Variants in KIF14 observed in about 807,000 individuals in gnomAD.
KIF14 encodes the protein kinesin family member 14.
KIF14 carries 98 observed loss-of-function variants against 176.2 expected under a neutral mutation model. The observed-to-expected ratio is 0.56, with a 90% CI of 0.47 to 0.66. The LOEUF (loss-of-function observed/expected upper bound fraction) is 0.66. Ranked by LOEUF, KIF14 falls within the 30% of genes least tolerant of loss-of-function variation. KIF14 has a pLI of 0.00. For missense variants in KIF14, 1,751 were observed against 1,920.4 expected, an observed-to-expected ratio of 0.91 and a Z score of 1.65; for synonymous variants, 566 against 632.2, an observed-to-expected ratio of 0.90 and a Z score of 1.57.
chr1:200,591,453 G>A (rs753374005), intron 16 of KIF14, among the ~76,000 whole-genome samples: 6 of 152,260 alleles, frequency 3.9e-5, no homozygotes, highest in East Asian at 3.9e-4. Flanking sequence ...AGTGTCTCAC[G>A]TCTGCTCAAA....
intron 22 of KIF14, 144 bp from the exon 23 acceptor site, chr1:200,570,149 G>C (rs568154582): frequency 4.6e-4 from 217 of 468,580 alleles, no homozygotes; most frequent in African/African-American, 3.7e-3. Context: ...AAATTCATTT[G>C]GTTAATTGAG....
At position 200,617,794 on chromosome 1, in the gene KIF14, G is replaced by T. The variant is rs764597120; in HGVS notation, c.930C>A (p.Asn310Lys). 7 of 1,614,048 alleles carry T rather than the reference G, an allele frequency of 4.3e-6. No individual in the cohort carries two copies. The highest frequency in any genetic ancestry group is 1.7e-5 in the Admixed American group (1 of 60,028). Residue 310 changes from asparagine (N) to lysine (K), a missense_variant, in exon 2 of 30, where the codon AAC becomes AAA. Transcript: ENST00000367350. ...TTTTTGGTCTTTGTTTAACTTGAAG[G>T]TTAGACATTCTATTCTTCAGTATTG... ...APSILKNRMS[N>K]LQVKQRPKSS... is the part of the protein sequence containing the mutation.
At chr1:200,615,268 A>T in intron 3 of KIF14, 87 bp downstream of exon 3, 1 of 1,343,126 alleles carries the variant, frequency 7.4e-7, no homozygotes, top group Non-Finnish European at 1.0e-6. Context: ...TGATTTCAAA[A>T]CTATATTCTT....
In KIF14 at chr1:200,554,573, A is replaced by C; in HGVS notation, c.4462T>G (p.Phe1488Val). The C allele has an allele frequency of 6.5e-7, 1 of 1,547,288 alleles. No individual in the cohort carries two copies. Among genetic ancestry groups the C allele is most frequent in the Non-Finnish European group, 8.9e-7 (1 of 1,124,830 alleles). The change falls in exon 29 of 30, where the codon TTT (phenylalanine) becomes GTT (valine). Residue 1488 changes from phenylalanine to valine, a missense_variant. Physicochemically the swap from Phe to Val is conservative, Grantham distance 50. Coordinates refer to ENST00000367350, the MANE Select transcript of KIF14 (RefSeq NM_014875.3). Reference protein sequence around the residue: ...SFRRQVQEENFEYQDFKRMVN... With the variant: ...SFRRQVQEENVEYQDFKRMVN... ...ATCCTCTTGAAATCTTGGTATTCAAAGTTTTCTTCTTGTACTTGCCTTCTG... is the reference window on the plus strand; with the variant it reads ...ATCCTCTTGAAATCTTGGTATTCAACGTTTTCTTCTTGTACTTGCCTTCTG...
At chr1:200,619,584 C>T (rs1307101634) in intron 1 of KIF14, among the ~76,000 whole-genome samples, 1 of 152,162 alleles carries the variant, frequency 6.6e-6, no homozygotes, top group Admixed American at 6.5e-5. Flanking sequence ...ATATCTTGAC[C>T]TTGTGATCCG....
chr1:200,559,566 C>T, intron 26 of KIF14, 114 bp from the exon 27 acceptor site: 1 of 553,504 alleles, frequency 1.8e-6, no homozygotes, highest in Admixed American at 4.2e-5. Context: ...ATATTTTCTG[C>T]TTACTTTAGG....
chr1:200,608,702 A>G (rs1184706638), intron 5 of KIF14, 128 bp downstream of exon 5: 2 of 622,462 alleles, frequency 3.2e-6, no homozygotes, highest in Non-Finnish European at 5.7e-6. Flanking sequence ...ATTGGACTGT[A>G]GATCCAAGCA....
chr1:200,565,719 T>C (rs771614743), intron 23 of KIF14, 50 bp from the exon 24 acceptor site: 116 of 1,232,046 alleles, frequency 9.4e-5, no homozygotes, highest in Non-Finnish European at 1.1e-4. Context: ...GGAATAATAC[T>C]TTCTTTTTTA....
chr1:200,617,754 T>C lies in KIF14; in HGVS notation c.970A>G (p.Asn324Asp), dbSNP rs776413568. Reference protein sequence around the residue: ...KQRPKSSFLANKQERSAENTI... With the variant: ...KQRPKSSFLADKQERSAENTI... ...TTTTCTGCGGATCTTTCCTGTTTAT[T>C]TGCAAGAAAGGAACTTTTTGGTCTT... Residue 324 changes from asparagine to aspartate, a missense_variant, in exon 2 of 30, where the codon AAT becomes GAT. Coordinates refer to ENST00000367350, the MANE Select transcript of KIF14 (RefSeq NM_014875.3). 11 of 1,614,106 alleles carry C rather than the reference T, an allele frequency of 6.8e-6. No homozygotes were observed. The highest frequency in any genetic ancestry group is 5.0e-5 in the Admixed American group (3 of 60,010).
intron 25 of KIF14, among the ~76,000 whole-genome samples, chr1:200,561,229 T>TAAAAAAAA (rs10643609): frequency 7.8e-6 from 1 of 128,078 alleles, no homozygotes; most frequent in African/African-American, 3.0e-5. Context: ...GACTCCATCT[T>TAAAAAAAA]AAAAAAAAAA....
chr1:200,605,652 A>C (rs1659844782), intron 7 of KIF14, among the ~76,000 whole-genome samples: 1 of 152,180 alleles, frequency 6.6e-6, no homozygotes, highest in African/African-American at 2.4e-5. Flanking sequence ...TAACTTTAAA[A>C]GGCTGTTTCC....
Position 200,617,821 on chromosome 1 carries a change from T to C in KIF14, c.903A>G (p.Pro301=), listed in dbSNP as rs756112634. 6.2e-7 allele frequency: 1 copy of C among 1,614,222 alleles called. No individual in the cohort carries two copies. The highest frequency in any genetic ancestry group is 8.5e-7 in the Non-Finnish European group (1 of 1,180,024). ...TAGACATTCTATTCTTCAGTATTGA[T>C]GGAGCTGGGCTCTTAAGCTGAGGCA... is the stretch of plus-strand genomic sequence containing the variant. ...CSLPQLKSPA[P]SILKNRMSNL... Residue 301 remains proline, a synonymous_variant, in exon 2 of 30, where the codon CCA becomes CCG. Coordinates refer to ENST00000367350, the MANE Select transcript of KIF14 (RefSeq NM_014875.3).
intron 10 of KIF14, 133 bp downstream of exon 10, chr1:200,603,093 G>C (rs1659703769): frequency 1.6e-5 from 8 of 507,578 alleles, no homozygotes; most frequent in Admixed American, 3.1e-5. Context: ...TCAAATCCAG[G>C]TAGTTTGGCT....
Position 200,618,193 on chromosome 1 carries a change from A to C in KIF14, c.531T>G (p.Ser177=). Residue 177 remains serine, a synonymous_variant, in exon 2 of 30, where the codon TCT becomes TCG. Coordinates refer to ENST00000367350, the MANE Select transcript of KIF14 (RefSeq NM_014875.3). ...GTGGATCTTCATCTAAAGGTACAGA[A>C]GAGGCAACAAAAGAGTTTTTAGCAT... is the stretch of plus-strand genomic sequence containing the variant. The part of the protein sequence containing the change: ...VNNAKNSFVA[S]SVPLDEDPQV... 1 of 1,614,050 alleles carries C rather than the reference A, an allele frequency of 6.2e-7. No homozygotes were observed. Among genetic ancestry groups the C allele is most frequent in the Non-Finnish European group, 8.5e-7 (1 of 1,180,000 alleles).
intron 23 of KIF14, 40 bp from the exon 24 acceptor site, chr1:200,565,709 G>T: frequency 1.5e-6 from 2 of 1,300,298 alleles, no homozygotes; most frequent in South Asian, 2.9e-5. Context: ...CTTGTTTTCA[G>T]GAATAATACT....
chr1:200,618,132 C>T lies in KIF14; in HGVS notation c.592G>A (p.Glu198Lys), dbSNP rs775644664. The T allele has an allele frequency of 6.2e-7, 1 of 1,613,972 alleles. No individual in the cohort carries two copies. The highest frequency in any genetic ancestry group is 8.5e-7 in the Non-Finnish European group (1 of 1,179,984). The change falls in exon 2 of 30, where the codon GAA becomes AAA. Residue 198 changes from glutamate to lysine, a missense_variant. Coordinates refer to ENST00000367350, the MANE Select transcript of KIF14 (RefSeq NM_014875.3). The part of the protein sequence containing the change: ...IEMMADKKYK[E>K]TFSAPSRANE... The stretch of plus-strand genomic sequence containing the variant: ...GCTCTACTGGGGGCAGAAAATGTTT[C>T]TTTGTATTTCTTATCAGCCATCATT...
At chr1:200,568,321 T>G (rs1377786980) in intron 23 of KIF14, among the ~76,000 whole-genome samples, 1 of 152,206 alleles carries the variant, frequency 6.6e-6, no homozygotes, top group Non-Finnish European at 1.5e-5. Context: ...CTACCACAGA[T>G]ACATATCTTT....
chr1:200,592,707 C>T (rs193140999), intron 15 of KIF14, among the ~76,000 whole-genome samples: 1 of 152,264 alleles, frequency 6.6e-6, no homozygotes, highest in East Asian at 1.9e-4. Context: ...CTCTTAACAA[C>T]AGGGATATGT....
intron 23 of KIF14, among the ~76,000 whole-genome samples, chr1:200,566,018 G>A (rs1657428601): frequency 6.6e-6 from 1 of 152,084 alleles, no homozygotes; most frequent in South Asian, 2.1e-4. Flanking sequence ...TCAAACAAAT[G>A]TTTTATTGCA....
Sources: gnomAD v4.1 joint callset for allele counts (sites outside exome capture counted in the v4.1 genomes callset) on GRCh38, gnomAD v4.1.1 for gene constraint, MANE v1.5 for transcripts, NCBI Gene and HGNC (gene_info 2026-07-23, HGNC 2026-07-21) for gene names.